Variants in IQGAP2 observed in about 807,000 individuals in gnomAD.
The protein encoded by IQGAP2 is ras GTPase-activating-like protein IQGAP2.
In IQGAP2, 173 loss-of-function variants were observed where a neutral mutation model predicts 201.3. The observed-to-expected ratio is 0.86, with a 90% CI of 0.76 to 0.98. The LOEUF (loss-of-function observed/expected upper bound fraction) is 0.98. IQGAP2 is among the 50% of genes least tolerant of loss of function. IQGAP2 has a pLI of 0.00. For synonymous variants in IQGAP2, 675 were observed against 673.9 expected (o/e 1.00, Z -0.03); for missense variants, 1,687 against 1,864.8 (o/e 0.90, Z 1.76).
chr5:76,496,739 TTCTTTC>T (rs1561416258), intron 2 of IQGAP2, among the ~76,000 whole-genome samples: 5 of 46,312 alleles, frequency 1.1e-4, no homozygotes, highest in South Asian at 1.3e-3. Flanking sequence ...CTTTCTTTCT[TTCTTTC>T]TTTCTTTCTT....
chr5:76,539,889 T>C (rs1473504909), intron 2 of IQGAP2, among the ~76,000 whole-genome samples: 1 of 152,214 alleles, frequency 6.6e-6, no homozygotes, highest in Admixed American at 6.5e-5. Context: ...CTTTCTGTAG[T>C]GCCCAGGATG....
chr5:76,511,120 T>C (rs919297159), intron 2 of IQGAP2, among the ~76,000 whole-genome samples: 3 of 152,268 alleles, frequency 2.0e-5, no homozygotes, highest in African/African-American at 7.2e-5. Context: ...CCCTATTATA[T>C]GGACTACATT....
chr5:76,551,679 C>T (rs1404859650), intron 2 of IQGAP2, among the ~76,000 whole-genome samples: 1 of 150,434 alleles, frequency 6.6e-6, no homozygotes, highest in African/African-American at 2.5e-5. Flanking sequence ...ACGGCGAAAC[C>T]CCGTCTCCAC....
At chr5:76,617,252 C>A (rs968600230) in intron 13 of IQGAP2, 16 of 200,000 alleles carry the variant, frequency 8.0e-5, no homozygotes, top group African/African-American at 3.3e-4. Flanking sequence ...CAAGACCAGC[C>A]TGGTCAACAT....
intron 2 of IQGAP2, among the ~76,000 whole-genome samples, chr5:76,479,045 G>A (rs756599484): frequency 1.3e-5 from 2 of 152,090 alleles, no homozygotes; most frequent in Admixed American, 6.6e-5. Context: ...CACCTCCTGA[G>A]CCTGGCCCAG....
chr5:76,535,627 C>T (rs1759577592), intron 2 of IQGAP2, among the ~76,000 whole-genome samples: 2 of 152,196 alleles, frequency 1.3e-5, no homozygotes, highest in Non-Finnish European at 2.9e-5. Flanking sequence ...CCCTGAGAAG[C>T]TTCTCCTTGC....
chr5:76,703,876 G>C (rs939051923), intron 35 of IQGAP2, among the ~76,000 whole-genome samples: 1 of 152,168 alleles, frequency 6.6e-6, no homozygotes, highest in Non-Finnish European at 1.5e-5. Context: ...TCCTGAGAGT[G>C]ATGTGAATTC....
chr5:76,420,020 C>T (rs759580381), intron 1 of IQGAP2, among the ~76,000 whole-genome samples: 4 of 152,178 alleles, frequency 2.6e-5, no homozygotes, highest in Non-Finnish European at 5.9e-5. Flanking sequence ...TTCCTCAAGG[C>T]CTTCCCCAGC....
At chr5:76,530,745 C>T (rs986363364) in intron 2 of IQGAP2, among the ~76,000 whole-genome samples, 4 of 152,192 alleles carry the variant, frequency 2.6e-5, no homozygotes, top group African/African-American at 7.2e-5. Context: ...TAGTTTTCTT[C>T]TGGTAAAGTC....
chr5:76,458,822 T>G (rs1308029398), intron 1 of IQGAP2, among the ~76,000 whole-genome samples: 1 of 152,198 alleles, frequency 6.6e-6, no homozygotes, highest in Non-Finnish European at 1.5e-5. Flanking sequence ...TAAAATTACC[T>G]CACAGAGATA....
intron 11 of IQGAP2, among the ~76,000 whole-genome samples, chr5:76,602,792 T>G (rs999587876): frequency 1.3e-5 from 2 of 152,172 alleles, no homozygotes; most frequent in African/African-American, 4.8e-5. Flanking sequence ...AACACGGCTC[T>G]GTCCAGGGCC....
chr5:76,601,153 C>T (rs1170284464), intron 11 of IQGAP2, among the ~76,000 whole-genome samples, 181 bp downstream of exon 11: 1 of 152,150 alleles, frequency 6.6e-6, no homozygotes, highest in Non-Finnish European at 1.5e-5. Context: ...TTCTGGGGAA[C>T]AAGAAGAATC....
chr5:76,689,756 A>C (rs1746105517), intron 30 of IQGAP2, among the ~76,000 whole-genome samples: 1 of 152,220 alleles, frequency 6.6e-6, no homozygotes, highest in Non-Finnish European at 1.5e-5. Context: ...TGGAGCTAAT[A>C]ATGTAAATTA....
intron 30 of IQGAP2, among the ~76,000 whole-genome samples, chr5:76,689,261 G>T (rs755983479): frequency 2.8e-5 from 3 of 107,622 alleles, no homozygotes; most frequent in Non-Finnish European, 6.2e-5. Context: ...AAAAAACCTG[G>T]TCGAGGAATC....
intron 17 of IQGAP2, among the ~76,000 whole-genome samples, chr5:76,643,374 A>G (rs1751747526): frequency 2.0e-5 from 3 of 152,270 alleles, no homozygotes; most frequent in African/African-American, 7.2e-5. Context: ...AGATGAGAGA[A>G]AGAATAGATG....
At chr5:76,574,468 T>A (rs1003031693) in intron 4 of IQGAP2, among the ~76,000 whole-genome samples, 2 of 151,190 alleles carry the variant, frequency 1.3e-5, no homozygotes, top group African/African-American at 4.9e-5. Flanking sequence ...CACGCCTGGC[T>A]AATGTTGGCC....
intron 17 of IQGAP2, among the ~76,000 whole-genome samples, chr5:76,642,802 C>T (rs539212590): frequency 5.3e-5 from 8 of 152,280 alleles, no homozygotes; most frequent in Admixed American, 2.0e-4. Flanking sequence ...AGCTATACTC[C>T]GGCTACACCA....
chr5:76,576,988 C>G (rs561343553), intron 5 of IQGAP2, among the ~76,000 whole-genome samples: 1 of 152,266 alleles, frequency 6.6e-6, no homozygotes, highest in East Asian at 1.9e-4. Context: ...GCCTGATATT[C>G]TTTATTAAAT....
chr5:76,414,422 A>C (rs1751304965), intron 1 of IQGAP2, among the ~76,000 whole-genome samples: 1 of 152,220 alleles, frequency 6.6e-6, no homozygotes, highest in African/African-American at 2.4e-5. Context: ...AGTTTGTCCA[A>C]GAAATGGTAG....
Sources: gnomAD v4.1 joint callset for allele counts (sites outside exome capture counted in the v4.1 genomes callset) on GRCh38, gnomAD v4.1.1 for gene constraint, MANE v1.5 for transcripts, NCBI Gene and HGNC (gene_info 2026-07-23, HGNC 2026-07-21) for gene names.